Variants in CTNND2 observed in about 807,000 individuals in gnomAD.
CTNND2 encodes the protein catenin delta-2.
A neutral mutation model predicts 144.4 loss-of-function variants in CTNND2; 22 were observed. That is an observed-to-expected ratio of 0.15 (90% confidence interval 0.11 to 0.22). The LOEUF is 0.22. Among genes scored for constraint, CTNND2 ranks in the 10% least tolerant of loss-of-function variants. CTNND2 has a pLI of 1.00. For synonymous variants in CTNND2, 751 were observed against 695.6 expected, an observed-to-expected ratio of 1.08 and a Z score of -1.25; for missense variants, 1,353 against 1,618.8, an observed-to-expected ratio of 0.84 and a Z score of 2.82.
chr5:11,473,083 A>G (rs1205661026), intron 3 of CTNND2, among the ~76,000 whole-genome samples: 1 of 152,226 alleles, frequency 6.6e-6, no homozygotes, highest in Non-Finnish European at 1.5e-5. Context: ...AAAGAAAGAA[A>G]GAAAGAAAAA....
chr5:11,815,107 T>A (rs1792553574), intron 1 of CTNND2, among the ~76,000 whole-genome samples: 1 of 152,070 alleles, frequency 6.6e-6, no homozygotes, highest in South Asian at 2.1e-4. Context: ...AAAACAGAAG[T>A]TCATTAAGAG....
chr5:11,173,904 G>T (rs1329276101), intron 11 of CTNND2, among the ~76,000 whole-genome samples: 1 of 152,158 alleles, frequency 6.6e-6, no homozygotes, highest in Non-Finnish European at 1.5e-5. Flanking sequence ...ACACCATTCT[G>T]GAGGCATGCA....
In CTNND2 at chr5:11,200,901, G is replaced by C. The variant is rs958471585; in HGVS notation, c.1762-1240C>G. On this transcript the variant is annotated intron_variant, in intron 10 of 21. Transcript: ENST00000304623. ...TCACCGTATTAACCAGGATGGTCTCGATCTCCTGACCTCGTGATCCGCCCG... is the reference window on the plus strand; with the variant it reads ...TCACCGTATTAACCAGGATGGTCTCCATCTCCTGACCTCGTGATCCGCCCG... Among the ~76,000 whole-genome samples the C allele has an allele frequency of 2.7e-5, 4 of 150,136 alleles. No individual in the cohort carries two copies. The South Asian group carries it at 6.3e-4, about 24-fold the overall frequency.
chr5:11,149,923 G>C (rs1170292167), intron 12 of CTNND2, among the ~76,000 whole-genome samples: 2 of 152,186 alleles, frequency 1.3e-5, no homozygotes, highest in East Asian at 1.9e-4. Context: ...GGTACTTCTA[G>C]AAGCTTCTGT....
chr5:11,353,791 A>G (rs1191079430), intron 8 of CTNND2, among the ~76,000 whole-genome samples: 1 of 151,934 alleles, frequency 6.6e-6, no homozygotes, highest in Non-Finnish European at 1.5e-5. Context: ...CGACAAGAGC[A>G]AGACTCCATT....
intron 1 of CTNND2, among the ~76,000 whole-genome samples, chr5:11,880,946 C>A (rs114616951): frequency 0.26 from 37,505 of 142,918 alleles, 4,917 homozygotes; most frequent in South Asian, 0.37. Context: ...GCTACTAATA[C>A]TACTACTACT....
intron 2 of CTNND2, among the ~76,000 whole-genome samples, chr5:11,707,321 T>A (rs866012760): frequency 2.2e-4 from 34 of 152,138 alleles, no homozygotes; most frequent in African/African-American, 7.7e-4. Flanking sequence ...ACAGAGCCGG[T>A]CTGCCAGTCC....
At chr5:11,238,369 A>G (rs1373099520) in intron 9 of CTNND2, among the ~76,000 whole-genome samples, 3 of 152,198 alleles carry the variant, frequency 2.0e-5, no homozygotes, top group African/African-American at 7.2e-5. Context: ...AACAACTCAA[A>G]AGCATACATC....
intron 2 of CTNND2, among the ~76,000 whole-genome samples, chr5:11,702,259 T>C (rs1561709675): frequency 6.6e-6 from 1 of 152,194 alleles, no homozygotes; most frequent in Non-Finnish European, 1.5e-5. Context: ...AGCATACTTG[T>C]AGCAAGGCAC....
chr5:11,050,821 T>C (rs1745753923), intron 16 of CTNND2, among the ~76,000 whole-genome samples: 1 of 152,228 alleles, frequency 6.6e-6, no homozygotes, highest in Non-Finnish European at 1.5e-5. Flanking sequence ...TGCTTCCAAC[T>C]GAGGACCAAC....
At chr5:11,659,396 AT>A (rs1783070452) in intron 2 of CTNND2, among the ~76,000 whole-genome samples, 1 of 152,138 alleles carries the variant, frequency 6.6e-6, no homozygotes, top group Non-Finnish European at 1.5e-5. Context: ...TGTATTCTTA[AT>A]ATAGTATATG....
intron 9 of CTNND2, among the ~76,000 whole-genome samples, chr5:11,248,566 A>G (rs1743248485): frequency 6.6e-6 from 1 of 152,186 alleles, no homozygotes; most frequent in Admixed American, 6.5e-5. Context: ...ACTAGAGCAC[A>G]CTTTCTTATA....
At chr5:11,292,703 T>C (rs1433554225) in intron 9 of CTNND2, among the ~76,000 whole-genome samples, 1 of 152,182 alleles carries the variant, frequency 6.6e-6, no homozygotes, top group Non-Finnish European at 1.5e-5. Context: ...TTAAACCTCT[T>C]TTCTTTATAA....
At chr5:11,484,950 T>C (rs32604) in intron 3 of CTNND2, among the ~76,000 whole-genome samples, 152,146 of 152,316 alleles carry the variant, frequency 1, 75,991 homozygotes, top group Middle Eastern at 1. Context: ...ATGTAAAACC[T>C]TCACTATTTA....
intron 11 of CTNND2, among the ~76,000 whole-genome samples, chr5:11,195,820 T>C (rs1736805234): frequency 6.6e-6 from 1 of 152,252 alleles, no homozygotes; most frequent in Non-Finnish European, 1.5e-5. Flanking sequence ...CCAAAGGACG[T>C]GCAGCATTTC....
At chr5:11,257,669 T>C (rs1037584114) in intron 9 of CTNND2, among the ~76,000 whole-genome samples, 1 of 152,140 alleles carries the variant, frequency 6.6e-6, no homozygotes, top group Non-Finnish European at 1.5e-5. Context: ...ACATGAGGAA[T>C]ATGGGGTTAC....
rs187585853 is a variant in CTNND2, at chr5:11,646,005, A to G, written c.175-80949T>C. Among the ~76,000 whole-genome samples the G allele has an allele frequency of 5.3e-4, 80 of 152,274 alleles. 1 individual carries two copies. The highest frequency in any genetic ancestry group is 1.4e-3 in the African/African-American group (60 of 41,572). On this transcript the variant is annotated intron_variant, in intron 2 of 21. Coordinates refer to ENST00000304623, the MANE Select transcript of CTNND2 (RefSeq NM_001332.4). Reference sequence around the variant, plus strand: ...TAAATATTCAATATGCATAAAACATATGATTCCATTTTATGTATTTATCTC... The same window carrying G: ...TAAATATTCAATATGCATAAAACATGTGATTCCATTTTATGTATTTATCTC...
chr5:10,991,020 A>AATT (rs1326160377), intron 19 of CTNND2, among the ~76,000 whole-genome samples: 1 of 152,222 alleles, frequency 6.6e-6, no homozygotes, highest in Non-Finnish European at 1.5e-5. Flanking sequence ...AGCCTGCTGG[A>AATT]ATTACAGAAA....
intron 2 of CTNND2, among the ~76,000 whole-genome samples, chr5:11,707,515 T>C (rs1785775557): frequency 6.6e-6 from 1 of 152,180 alleles, no homozygotes; most frequent in Admixed American, 6.5e-5. Context: ...GGAAATATAT[T>C]TGTACCTTTC....
Sources: gnomAD v4.1 joint callset for allele counts (sites outside exome capture counted in the v4.1 genomes callset) on GRCh38, gnomAD v4.1.1 for gene constraint, MANE v1.5 for transcripts, NCBI Gene and HGNC (gene_info 2026-07-23, HGNC 2026-07-21) for gene names.